Variants in AVEN observed in about 807,000 individuals in gnomAD.
AVEN encodes the protein apoptosis and caspase activation inhibitor.
Under a neutral mutation model 38.1 loss-of-function variants are expected in AVEN, and 41 were observed. That is an observed-to-expected ratio of 1.08 (90% confidence interval 0.84 to 1.40). AVEN has a LOEUF of 1.40. AVEN is among the 40% of genes most tolerant of loss of function. AVEN has a pLI of 0.00. For synonymous variants in AVEN, 206 were observed against 171.8 expected (o/e 1.20, Z -1.56); for missense variants, 605 against 438.8 (o/e 1.38, Z -3.38).
Position 33,958,592 on chromosome 15 carries a change from AG to A in AVEN, c.445+44439del, listed in dbSNP as rs200326225. 5.8e-3 allele frequency among the ~76,000 whole-genome samples: 879 copies of A among 150,682 alleles called. 7 individuals carry two copies. Among genetic ancestry groups the A allele is most frequent in the African/African-American group, 0.02 (818 of 40,948 alleles). The stretch of plus-strand genomic sequence containing the variant: ...GGCAAGACAGCAAGACCCTATCTCA[AG>A]AAAAAAAAAAAAAGGAAAAGAAAAG... On this transcript the variant is annotated intron_variant, in intron 2 of 5. Coordinates refer to ENST00000306730, the MANE Select transcript of AVEN (RefSeq NM_020371.3).
At position 34,035,090 on chromosome 15, in the gene AVEN, T is replaced by C. The variant is rs149257336; in HGVS notation, c.267+3690A>G. On this transcript the variant is annotated intron_variant, in intron 1 of 5. Coordinates refer to ENST00000306730, the MANE Select transcript of AVEN (RefSeq NM_020371.3). ...AAACTTGAATAGAAAATTAGAGATT[T>C]CCTTTTTACCCAGTGAAATGAAAAT... Among the ~76,000 whole-genome samples, 59 of 152,278 alleles carry C rather than the reference T, an allele frequency of 3.9e-4. No individual in the cohort carries two copies. In the East Asian group the frequency reaches 8.1e-3, roughly 21 times the overall value.
chr15:33,995,431 T>C (rs1896894181), intron 2 of AVEN, among the ~76,000 whole-genome samples: 1 of 152,240 alleles, frequency 6.6e-6, no homozygotes, highest in South Asian at 2.1e-4. Context: ...CTATACTTTT[T>C]GCATAGGTTA....
downstream of AVEN, among the ~76,000 whole-genome samples, chr15:33,854,608 A>C (rs1016921750): frequency 6.6e-6 from 1 of 152,328 alleles, no homozygotes; most frequent in East Asian, 1.9e-4. Context: ...GGTATAAGGT[A>C]GATGGGGCTC....
In AVEN at chr15:34,063,761, A is replaced by T. The variant is rs1383585565; in HGVS notation, n.1127-329T>A. Reference sequence around the variant, plus strand: ...AAGAGACTGAGGAAACTTTTGTGAAAGCTGAAACTGAAAAAAGTGACTATG... The same window carrying T: ...AAGAGACTGAGGAAACTTTTGTGAATGCTGAAACTGAAAAAAGTGACTATG... On this transcript the variant is annotated intron_variant and non_coding_transcript_variant, in intron 4 of 11. Transcript: ENST00000675287. This position sits in a 1 kb window ranked among gnomAD's most constrained non-coding sequence, Gnocchi z 4.1. 1 of 1,614,244 alleles carries T rather than the reference A, an allele frequency of 6.2e-7. No homozygotes were observed. The highest frequency in any genetic ancestry group is 2.2e-5 in the East Asian group (1 of 44,882).
intron 2 of AVEN, among the ~76,000 whole-genome samples, chr15:33,943,890 A>G (rs1299416600): frequency 1.3e-5 from 2 of 149,698 alleles, no homozygotes; most frequent in Non-Finnish European, 3.0e-5. Flanking sequence ...TTTAATCACA[A>G]TTTATTTTAT....
At chr15:33,941,186 AC>A (rs1819792359) in intron 2 of AVEN, among the ~76,000 whole-genome samples, 1 of 152,240 alleles carries the variant, frequency 6.6e-6, no homozygotes, top group South Asian at 2.1e-4. Context: ...CAGAATGTTT[AC>A]TAATACCCTA....
chr15:33,890,217 G>A (rs1368084349), intron 2 of AVEN, among the ~76,000 whole-genome samples: 2 of 152,088 alleles, frequency 1.3e-5, no homozygotes, highest in Non-Finnish European at 2.9e-5. Context: ...GTTGGGGCTC[G>A]ATGCTGCCTA....
At chr15:34,029,419 G>A (rs1374417417) in intron 1 of AVEN, among the ~76,000 whole-genome samples, 3 of 150,258 alleles carry the variant, frequency 2.0e-5, no homozygotes, top group African/African-American at 7.4e-5. Context: ...GGTGGCTCAT[G>A]CCTGTAATCC....
At chr15:33,952,203 T>A (rs576850638) in intron 2 of AVEN, among the ~76,000 whole-genome samples, 1 of 152,078 alleles carries the variant, frequency 6.6e-6, no homozygotes, top group Non-Finnish European at 1.5e-5. Flanking sequence ...TTATCTTCAA[T>A]AGCAAGATAA....
chr15:33,919,426 T>C (rs1176632217), intron 2 of AVEN, among the ~76,000 whole-genome samples: 1 of 152,176 alleles, frequency 6.6e-6, no homozygotes, highest in African/African-American at 2.4e-5. Context: ...CATGCAACTT[T>C]GGTGTATATC....
Position 34,053,315 on chromosome 15 carries a change from AAAAAATATATATAT to A in AVEN, n.1637+9593_1637+9606del, listed in dbSNP as rs1241621392. On this transcript the variant is annotated intron_variant and non_coding_transcript_variant, in intron 5 of 11. Coordinates refer to the AVEN transcript ENST00000675287. ...ACTCCATCTCAAAAAAAAAAAAAAA[AAAAAATATATATAT>A]ATATATATATATATGGAACTGAAAA... Among the ~76,000 whole-genome samples the A allele has an allele frequency of 1.0e-4, 9 of 87,344 alleles. No individual in the cohort carries two copies. In the Admixed American group the frequency reaches 1.2e-3, roughly 11 times the overall value. 57.3% of individuals were successfully genotyped at this position (87,344 alleles called of 152,430 possible). A position where few individuals can be genotyped will look rare whatever the true frequency, so the allele number is the denominator to read the frequency against.
downstream of AVEN, chr15:33,864,261 G>A (rs1233767458): frequency 3.3e-6 from 4 of 1,217,160 alleles, no homozygotes; most frequent in African/African-American, 4.5e-5. Flanking sequence ...TAGGGCATAG[G>A]TTATCTGAAA....
chr15:33,887,600 T>C (rs919093810), intron 2 of AVEN, among the ~76,000 whole-genome samples: 3 of 152,152 alleles, frequency 2.0e-5, no homozygotes, highest in African/African-American at 7.2e-5. Context: ...AACATAAATA[T>C]AGAAGATACA....
rs567431073 is a variant in AVEN, at chr15:33,914,109, G to A, written c.446-38114C>T. Reference sequence around the variant, plus strand: ...CCCATAGAAGGTGCTTACATTTGAGGAATGGGAGGAGTGGAATGTCAGTTC... The same window carrying A: ...CCCATAGAAGGTGCTTACATTTGAGAAATGGGAGGAGTGGAATGTCAGTTC... On this transcript the variant is annotated intron_variant, in intron 2 of 5. Transcript: ENST00000306730. Among the ~76,000 whole-genome samples the A allele has an allele frequency of 2.6e-5, 4 of 152,084 alleles. No individual in the cohort carries two copies. In the South Asian group the frequency reaches 8.4e-4, roughly 32 times the overall value.
intron 5 of AVEN, among the ~76,000 whole-genome samples, chr15:34,056,125 G>A (rs1041351349): frequency 7.2e-5 from 11 of 152,136 alleles, no homozygotes; most frequent in African/African-American, 2.2e-4. Flanking sequence ...AGTAACTGCC[G>A]TTTCCCTAGT....
chr15:33,982,808 C>T (rs1896213161), intron 2 of AVEN, among the ~76,000 whole-genome samples: 1 of 152,000 alleles, frequency 6.6e-6, no homozygotes, highest in Non-Finnish European at 1.5e-5. Context: ...TTCTCTCTCT[C>T]TCTCTGGACC....
chr15:33,853,467 AG>A, the AVEN span: 4 of 1,477,530 alleles, frequency 2.7e-6, no homozygotes, highest in Non-Finnish European at 3.6e-6. Flanking sequence ...GATTGCCCAT[AG>A]GGCAGCAAAG....
chr15:33,854,618 C>A, downstream of AVEN: 1 of 1,125,780 alleles, frequency 8.9e-7, no homozygotes, highest in Non-Finnish European at 1.3e-6. Flanking sequence ...AGATGGGGCT[C>A]ACTTAGCAGA....
chr15:33,991,681 T>C (rs1267147553), intron 2 of AVEN: 1 of 152,028 alleles, frequency 6.6e-6, no homozygotes, highest in African/African-American at 2.4e-5. Context: ...AAAAGAGAGA[T>C]TAATTCTATG....
Sources: allele counts gnomAD v4.1 joint callset (sites outside exome capture counted in the v4.1 genomes callset), GRCh38; gene constraint gnomAD v4.1.1; non-coding constraint Gnocchi (gnomAD v3.1); transcripts MANE v1.5; gene names NCBI Gene and HGNC (gene_info 2026-07-23, HGNC 2026-07-21).